GRIK3: variants seen among roughly 807,000 people sequenced by gnomAD.
The protein encoded by GRIK3 is glutamate ionotropic receptor kainate type subunit 3.
A neutral mutation model predicts 102.5 loss-of-function variants in GRIK3; 29 were observed. The observed-to-expected ratio is 0.28, with a 90% confidence interval of 0.21 to 0.39. GRIK3 has a LOEUF of 0.39. Ranked by LOEUF, GRIK3 falls within the 10% of genes least tolerant of loss-of-function variation. The probability of loss-of-function intolerance (pLI) is 1.00; values close to 1 mark genes in which losing one functional copy is unlikely to be tolerated. For missense variants in GRIK3, 908 were observed against 1,252.4 expected (o/e 0.73, Z 4.15); for synonymous variants, 511 against 504.9 (o/e 1.01, Z -0.16).
chr1:36,901,188 G>T (rs1249262708), intron 1 of GRIK3, among the ~76,000 whole-genome samples: 1 of 152,080 alleles, frequency 6.6e-6, no homozygotes, highest in African/African-American at 2.4e-5. Context: ...ATTTTACAAG[G>T]CCAGCACTAC....
intron 1 of GRIK3, among the ~76,000 whole-genome samples, chr1:36,976,936 C>G (rs1642202340): frequency 6.6e-6 from 1 of 152,182 alleles, no homozygotes; most frequent in South Asian, 2.1e-4. Flanking sequence ...TTTCTCTGTC[C>G]TGACCCAGCA....
At chr1:36,888,294 A>C (rs1641064872) in intron 2 of GRIK3, among the ~76,000 whole-genome samples, 1 of 152,212 alleles carries the variant, frequency 6.6e-6, no homozygotes, top group Non-Finnish European at 1.5e-5. Flanking sequence ...AAGAGTAGAC[A>C]CTGAATGATT....
At chr1:36,883,746 CCCT>C (rs570664476) in intron 2 of GRIK3, among the ~76,000 whole-genome samples, 219 of 152,272 alleles carry the variant, frequency 1.4e-3, no homozygotes, top group African/African-American at 5.1e-3. Context: ...GGGAAAGGGT[CCCT>C]CTCGCCTGGG....
rs552791991 is a variant in GRIK3 at position 36,953,280 on chromosome 1, G to C, written c.116-62184C>G. The stretch of plus-strand genomic sequence containing the variant: ...GAGCGTTCCCAGCTTGAGCAGAACA[G>C]ATGGCAAGAGGACCTGGCCTGGCAC... On this transcript the variant is annotated intron_variant, in intron 1 of 15. Transcript: ENST00000373091. Among the ~76,000 whole-genome samples, 4 of 152,312 alleles carry C rather than the reference G, an allele frequency of 2.6e-5. No individual in the cohort carries two copies. The South Asian group carries it at 8.3e-4, about 32-fold the overall frequency.
chr1:36,962,481 G>A (rs1489483982), intron 1 of GRIK3, among the ~76,000 whole-genome samples: 1 of 151,970 alleles, frequency 6.6e-6, no homozygotes, highest in Non-Finnish European at 1.5e-5. Flanking sequence ...TCTAGATTCA[G>A]GGGAAGGAGA....
intron 1 of GRIK3, among the ~76,000 whole-genome samples, chr1:36,916,562 T>C (rs1402691367): frequency 6.6e-6 from 1 of 152,166 alleles, no homozygotes; most frequent in Non-Finnish European, 1.5e-5. Flanking sequence ...CAGTGCTGCA[T>C]GCAGTCTAGG....
intron 1 of GRIK3, among the ~76,000 whole-genome samples, chr1:36,892,284 A>G (rs1641126270): frequency 6.6e-6 from 1 of 152,140 alleles, no homozygotes; most frequent in Non-Finnish European, 1.5e-5. Context: ...CTGCCTCCCA[A>G]AGTGCTGGGA....
At chr1:36,852,836 G>A (rs1357229722) in intron 8 of GRIK3, among the ~76,000 whole-genome samples, 1 of 152,124 alleles carries the variant, frequency 6.6e-6, no homozygotes, top group Non-Finnish European at 1.5e-5. Context: ...GTGTGGCTGA[G>A]CCCCCAGAAT....
intron 3 of GRIK3, among the ~76,000 whole-genome samples, chr1:36,874,340 TC>T (rs1640888816): frequency 6.6e-6 from 1 of 152,148 alleles, no homozygotes; most frequent in Non-Finnish European, 1.5e-5. Flanking sequence ...AGCCTAAGCC[TC>T]CTAAAGAGCT....
intron 1 of GRIK3, among the ~76,000 whole-genome samples, chr1:36,988,539 G>C (rs1479602076): frequency 6.6e-6 from 1 of 152,234 alleles, no homozygotes; most frequent in Non-Finnish European, 1.5e-5. Context: ...CCCTTTCCGT[G>C]GGAGGACTTG....
intron 7 of GRIK3, among the ~76,000 whole-genome samples, chr1:36,854,478 C>T (rs1202318764): frequency 1.1e-4 from 16 of 152,110 alleles, no homozygotes; most frequent in Non-Finnish European, 7.4e-5. Context: ...GAGAGGAAGG[C>T]AGAGGTTGGG....
In GRIK3 at chr1:37,034,019, G is replaced by T; in HGVS notation, c.90C>A (p.Arg30=). The T allele has an allele frequency of 6.2e-7, 1 of 1,600,538 alleles. No homozygotes were observed. Among genetic ancestry groups the T allele is most frequent in the Non-Finnish European group, 8.5e-7 (1 of 1,173,790 alleles). The change falls in exon 1 of 16, where the codon CGC becomes CGA. Residue 30 remains arginine, a synonymous_variant. Coordinates refer to ENST00000373091, the MANE Select transcript of GRIK3 (RefSeq NM_000831.4). ...LVCAFWIPDS[R]GMPHVIRIGG... is the part of the protein sequence containing the mutation. Reference sequence around the variant, plus strand: ...CGATCCGGATGACGTGGGGCATCCCGCGCGAGTCCGGGATCCAGAAGGCGC... The same window carrying T: ...CGATCCGGATGACGTGGGGCATCCCTCGCGAGTCCGGGATCCAGAAGGCGC...
At chr1:36,849,076 TC>T (rs888885673) in intron 9 of GRIK3, among the ~76,000 whole-genome samples, 21 of 152,312 alleles carry the variant, frequency 1.4e-4, no homozygotes, top group African/African-American at 4.1e-4. Flanking sequence ...ATGGTGAGAC[TC>T]ACAGGCTAAC....
chr1:36,823,784 G>T (rs965763967), intron 11 of GRIK3, among the ~76,000 whole-genome samples: 2 of 152,126 alleles, frequency 1.3e-5, no homozygotes, highest in Admixed American at 6.5e-5. Context: ...CTTTATATCT[G>T]GTCTGGGTTT....
At chr1:36,862,348 G>A (rs1370126462) in intron 5 of GRIK3, among the ~76,000 whole-genome samples, 1 of 152,080 alleles carries the variant, frequency 6.6e-6, no homozygotes, top group East Asian at 1.9e-4. Context: ...ATTGACTGAT[G>A]CATCGTTGAT....
At chr1:36,900,138 C>T (rs761847675) in intron 1 of GRIK3, among the ~76,000 whole-genome samples, 10 of 152,170 alleles carry the variant, frequency 6.6e-5, no homozygotes, top group Non-Finnish European at 1.2e-4. Context: ...CAATATAGAC[C>T]ACATTCTGTC....
intron 13 of GRIK3, among the ~76,000 whole-genome samples, chr1:36,815,459 G>C (rs906236941): frequency 6.6e-6 from 1 of 152,218 alleles, no homozygotes; most frequent in Admixed American, 6.5e-5. Context: ...AGGAGGCAGC[G>C]GCTGGGAGAT....
chr1:36,989,938 A>G (rs1403471018), intron 1 of GRIK3, among the ~76,000 whole-genome samples: 1 of 152,160 alleles, frequency 6.6e-6, no homozygotes, highest in Admixed American at 6.5e-5. Context: ...TTAAAATCCT[A>G]TGAAGCAAAT....
At chr1:36,886,088 C>T (rs1407445755) in intron 2 of GRIK3, among the ~76,000 whole-genome samples, 1 of 152,244 alleles carries the variant, frequency 6.6e-6, no homozygotes, top group African/African-American at 2.4e-5. Context: ...ACTCTCTGCG[C>T]TGCTGCTGCC....
Sources: allele counts gnomAD v4.1 joint callset (sites outside exome capture counted in the v4.1 genomes callset), GRCh38; gene constraint gnomAD v4.1.1; transcripts MANE v1.5; gene names NCBI Gene and HGNC (gene_info 2026-07-23, HGNC 2026-07-21).